Variants in PRKAR2B observed in about 807,000 individuals in gnomAD.
PRKAR2B encodes cAMP-dependent protein kinase type II-beta regulatory subunit.
PRKAR2B carries 14 observed loss-of-function variants against 49.9 expected under a neutral mutation model. The ratio of observed to expected loss-of-function variants is 0.28; its 90% CI spans 0.19 to 0.44. PRKAR2B has a LOEUF of 0.44. Among genes scored for constraint, PRKAR2B ranks in the 20% least tolerant of loss-of-function variants. The probability of loss-of-function intolerance (pLI) is 1.00; values close to 1 mark genes in which losing one functional copy is unlikely to be tolerated. For synonymous variants in PRKAR2B, 196 were observed against 197.7 expected (o/e 0.99, Z 0.07); for missense variants, 393 against 537.9 (o/e 0.73, Z 2.67).
chr7:107,091,869 A>G (rs1794737964), intron 2 of PRKAR2B: 1 of 152,174 alleles, frequency 6.6e-6, no homozygotes, highest in African/African-American at 2.4e-5. Context: ...ATCTACTGAA[A>G]CAGAAACATA....
At chr7:107,155,535 G>A (rs938095763) in intron 8 of PRKAR2B, among the ~76,000 whole-genome samples, 14 of 152,220 alleles carry the variant, frequency 9.2e-5, no homozygotes, top group Admixed American at 2.0e-4. Context: ...AGCATCTATC[G>A]TTGCTTGACT....
intron 2 of PRKAR2B, among the ~76,000 whole-genome samples, chr7:107,078,957 G>T (rs1794461497): frequency 6.6e-6 from 1 of 152,184 alleles, no homozygotes; most frequent in South Asian, 2.1e-4. Flanking sequence ...CACACTGGTG[G>T]TTTTGCCAGT....
intron 2 of PRKAR2B, among the ~76,000 whole-genome samples, chr7:107,102,201 C>T (rs186728268): frequency 2.9e-4 from 44 of 151,944 alleles, no homozygotes; most frequent in African/African-American, 1.0e-3. Context: ...AGCGAGACTC[C>T]GTCTCAAAAA....
rs550655408 is a variant in PRKAR2B, at chr7:107,044,809, G to C, written c.-99G>C. The C allele has an allele frequency of 2.0e-5, 20 of 992,778 alleles. No homozygotes were observed. The African/African-American group carries it at 3.3e-4, about 16-fold the overall frequency. The allele number at this position is 992,778 out of a possible 1,614,324, so 61.5% of individuals were successfully genotyped here. ...GCGCCGCGCTCGCAGCCGGTAGCGCGCCAGCGCCGTAGGCGCTCGCTCGGC... is the reference window on the plus strand; with the variant it reads ...GCGCCGCGCTCGCAGCCGGTAGCGCCCCAGCGCCGTAGGCGCTCGCTCGGC... On this transcript the variant is annotated 5_prime_UTR_variant, in exon 1 of 11. Transcript: ENST00000265717.
chr7:107,139,395 G>A (rs1860803), intron 4 of PRKAR2B, among the ~76,000 whole-genome samples: 2 of 151,968 alleles, frequency 1.3e-5, no homozygotes, highest in Admixed American at 6.6e-5. Context: ...AGTTTCTCTC[G>A]AATCTTTTGT....
At chr7:107,107,738 G>T (rs1047674806) in intron 2 of PRKAR2B, among the ~76,000 whole-genome samples, 1 of 151,862 alleles carries the variant, frequency 6.6e-6, no homozygotes, top group African/African-American at 2.4e-5. Context: ...GCTCACTGTA[G>T]CCTCTGCCTC....
intron 2 of PRKAR2B, among the ~76,000 whole-genome samples, chr7:107,085,906 A>G (rs887318243): frequency 6.6e-6 from 1 of 152,208 alleles, no homozygotes; most frequent in African/African-American, 2.4e-5. Flanking sequence ...TATATTTTTT[A>G]GAAGTGGAAT....
intron 1 of PRKAR2B, among the ~76,000 whole-genome samples, chr7:107,052,682 C>T (rs1320216100): frequency 6.6e-6 from 1 of 152,174 alleles, no homozygotes; most frequent in Non-Finnish European, 1.5e-5. Context: ...TGAAAATAAG[C>T]ACATATCAAA....
chr7:107,137,683 T>A (rs1408972092), intron 4 of PRKAR2B, among the ~76,000 whole-genome samples: 1 of 152,196 alleles, frequency 6.6e-6, no homozygotes, highest in Non-Finnish European at 1.5e-5. Context: ...TGAGAATGCC[T>A]CTTTTCCCAC....
At chr7:107,063,023 A>G (rs1054251449) in intron 1 of PRKAR2B, among the ~76,000 whole-genome samples, 2 of 151,646 alleles carry the variant, frequency 1.3e-5, no homozygotes, top group African/African-American at 4.8e-5. Context: ...TTTTTTTTTG[A>G]AACTGTGTCT....
intron 2 of PRKAR2B, among the ~76,000 whole-genome samples, chr7:107,115,302 G>A (rs1795252758): frequency 6.6e-6 from 1 of 152,036 alleles, no homozygotes; most frequent in Admixed American, 6.6e-5. Context: ...AATCTTTATA[G>A]TAAAATTTTG....
intron 1 of PRKAR2B, among the ~76,000 whole-genome samples, chr7:107,054,614 C>G (rs1291082831): frequency 6.6e-6 from 1 of 152,134 alleles, no homozygotes; most frequent in Non-Finnish European, 1.5e-5. Flanking sequence ...GTCAACTTTG[C>G]AGATGTCAAG....
chr7:107,063,565 C>T (rs1286569275), intron 1 of PRKAR2B, among the ~76,000 whole-genome samples: 1 of 152,136 alleles, frequency 6.6e-6, no homozygotes, highest in African/African-American at 2.4e-5. Context: ...AGAGGGGCAA[C>T]TTTAAACTGG....
At position 107,044,893 on chromosome 7, in the gene PRKAR2B, C is replaced by T. The variant is rs749281848; in HGVS notation, c.-15C>T. On this transcript the variant is annotated 5_prime_UTR_variant, in exon 1 of 11. Transcript: ENST00000265717. ...GCGAGGGCGGCGCCCAGGCGCCTGC[C>T]GCCCCGGAGGCAGGATGAGCATCGA... The T allele has an allele frequency of 1.3e-6, 2 of 1,580,752 alleles. No individual in the cohort carries two copies. Among genetic ancestry groups the T allele is most frequent in the Admixed American group, 1.8e-5 (1 of 56,858 alleles).
At chr7:107,059,159 A>T (rs1423574710) in intron 1 of PRKAR2B, among the ~76,000 whole-genome samples, 3 of 152,146 alleles carry the variant, frequency 2.0e-5, no homozygotes, top group Non-Finnish European at 4.4e-5. Context: ...GTAATGGCAC[A>T]TGCCTGTAAT....
intron 2 of PRKAR2B, among the ~76,000 whole-genome samples, chr7:107,098,538 C>T (rs1224369976): frequency 1.3e-5 from 2 of 152,170 alleles, no homozygotes; most frequent in Non-Finnish European, 2.9e-5. Flanking sequence ...ATTCTCTTTC[C>T]TGCTTTGTTC....
At chr7:107,064,922 T>C (rs1435975306) in intron 1 of PRKAR2B, among the ~76,000 whole-genome samples, 1 of 152,238 alleles carries the variant, frequency 6.6e-6, no homozygotes, top group Non-Finnish European at 1.5e-5. Context: ...GTTGTTTATT[T>C]GCCTGTTTGC....
At chr7:107,091,645 A>G (rs1270323207) in intron 2 of PRKAR2B, 1 of 152,188 alleles carries the variant, frequency 6.6e-6, no homozygotes, top group Non-Finnish European at 1.5e-5. Context: ...TGCATATAAC[A>G]TGGCGTCTAA....
intron 4 of PRKAR2B, among the ~76,000 whole-genome samples, chr7:107,137,333 T>G (rs1236968600): frequency 6.6e-6 from 1 of 152,240 alleles, no homozygotes; most frequent in Non-Finnish European, 1.5e-5. Context: ...TTCACATTTC[T>G]TGATTACCCT....
Sources: allele counts gnomAD v4.1 joint callset (sites outside exome capture counted in the v4.1 genomes callset), GRCh38; gene constraint gnomAD v4.1.1; transcripts MANE v1.5; gene names NCBI Gene and HGNC (gene_info 2026-07-23, HGNC 2026-07-21).